AHI1: variants seen among roughly 807,000 people sequenced by gnomAD.
AHI1 encodes Abelson helper integration site 1, also known as jouberin.
A neutral mutation model predicts 149.3 loss-of-function variants in AHI1; 123 were observed. The ratio of observed to expected loss-of-function variants is 0.82; its 90% CI spans 0.71 to 0.96. AHI1 has a LOEUF of 0.96. Among genes scored for constraint, AHI1 ranks in the 40% least tolerant of loss-of-function variants. The pLI, the probability that AHI1 is intolerant of heterozygous loss-of-function variation, is 0.00. For missense variants in AHI1, 1,439 were observed against 1,422.7 expected, an observed-to-expected ratio of 1.01 and a Z score of -0.18; for synonymous variants, 475 against 459.8, an observed-to-expected ratio of 1.03 and a Z score of -0.42.
At chr6:135,446,459 CTG>C (rs1436261556) in intron 13 of AHI1, among the ~76,000 whole-genome samples, 1 of 152,152 alleles carries the variant, frequency 6.6e-6, no homozygotes, top group Admixed American at 6.5e-5. Context: ...CTCTCAAAAA[CTG>C]TATGTTAAAG....
chr6:135,455,881 A>G lies in AHI1; in HGVS notation c.1197T>C (p.Tyr399=). The change falls in exon 10 of 29, where the codon TAT becomes TAC. Residue 399 remains tyrosine, a synonymous_variant. Coordinates refer to ENST00000265602, the MANE Select transcript of AHI1 (RefSeq NM_001134831.2). ...ATGGCTGGGTCATAATAGGAAGAAT[A>G]TAATCCACATTCTCTTTTTCATAGT... The part of the protein sequence containing the change: ...SSYYEKENVD[Y]ILPIMTQPYD... The G allele has an allele frequency of 6.4e-7, 1 of 1,561,378 alleles. No homozygotes were observed. The highest frequency in any genetic ancestry group is 8.7e-7 in the Non-Finnish European group (1 of 1,146,458).
intron 10 of AHI1, 56 bp downstream of exon 10, chr6:135,455,678 T>C: frequency 7.9e-7 from 1 of 1,272,612 alleles, no homozygotes; most frequent in Non-Finnish European, 1.1e-6. Context: ...TAGCTTACAT[T>C]TGTGCTATTA....
chr6:135,293,550 G>C (rs1782675368), intron 27 of AHI1, among the ~76,000 whole-genome samples: 1 of 151,342 alleles, frequency 6.6e-6, no homozygotes, highest in Non-Finnish European at 1.5e-5. Context: ...ACTAACAAGT[G>C]AGTTTAGTAG....
chr6:135,490,957 C>T (rs984222032), intron 4 of AHI1, among the ~76,000 whole-genome samples: 1 of 152,096 alleles, frequency 6.6e-6, no homozygotes, highest in African/African-American at 2.4e-5. Context: ...ACCTTTTTGG[C>T]CACTCACTCT....
At chr6:135,296,092 T>C (rs1783053277) in intron 27 of AHI1, among the ~76,000 whole-genome samples, 2 of 152,226 alleles carry the variant, frequency 1.3e-5, no homozygotes, top group South Asian at 4.1e-4. Context: ...TGACCTCAGA[T>C]GATCCGTTTG....
intron 26 of AHI1, among the ~76,000 whole-genome samples, chr6:135,317,584 T>A (rs1379468300): frequency 6.6e-6 from 1 of 151,910 alleles, no homozygotes; most frequent in East Asian, 1.9e-4. Context: ...TGCATTATAG[T>A]TTCTACCAGA....
chr6:135,293,363 A>G (rs1782597225), intron 27 of AHI1, among the ~76,000 whole-genome samples: 1 of 139,662 alleles, frequency 7.2e-6, no homozygotes, highest in African/African-American at 2.6e-5. Flanking sequence ...TCAACATTGT[A>G]TTAGAGGTTC....
chr6:135,453,774 A>G (rs576883489), intron 10 of AHI1, among the ~76,000 whole-genome samples: 32 of 152,310 alleles, frequency 2.1e-4, no homozygotes, highest in Middle Eastern at 3.4e-3. Context: ...CAGACTTTAA[A>G]GGATTGTTTG....
chr6:135,494,893 AG>A (rs1010698574), intron 3 of AHI1, among the ~76,000 whole-genome samples: 121 of 152,324 alleles, frequency 7.9e-4, no homozygotes, highest in African/African-American at 2.7e-3. Flanking sequence ...TGGCATCAAA[AG>A]GGGCTGGAGG....
At chr6:135,423,568 A>G (rs1783520270) in intron 20 of AHI1, among the ~76,000 whole-genome samples, 1 of 152,188 alleles carries the variant, frequency 6.6e-6, no homozygotes, top group Admixed American at 6.5e-5. Flanking sequence ...TCATGTCAGT[A>G]GTAGAAACTG....
At chr6:135,476,489 A>G (rs948528179) in intron 5 of AHI1, among the ~76,000 whole-genome samples, 2 of 150,418 alleles carry the variant, frequency 1.3e-5, no homozygotes, top group African/African-American at 2.5e-5. Flanking sequence ...TTCCCATAAA[A>G]CTCAACTCAA....
chr6:135,417,898 T>C (rs990355525), intron 20 of AHI1, among the ~76,000 whole-genome samples: 1 of 152,062 alleles, frequency 6.6e-6, no homozygotes, highest in Non-Finnish European at 1.5e-5. Flanking sequence ...ATAGATTTCA[T>C]TGTAAAATAT....
At chr6:135,337,974 T>C (rs530221167) in intron 24 of AHI1, among the ~76,000 whole-genome samples, 64 of 151,934 alleles carry the variant, frequency 4.2e-4, no homozygotes, top group Non-Finnish European at 7.7e-4. Context: ...AAGGATATAA[T>C]AAGAGAAAGG....
intron 20 of AHI1, among the ~76,000 whole-genome samples, chr6:135,416,419 C>T (rs939177886): frequency 5.3e-5 from 8 of 151,338 alleles, no homozygotes; most frequent in African/African-American, 1.7e-4. Flanking sequence ...ACATTATTTC[C>T]TGAGGAATGT....
intron 5 of AHI1, among the ~76,000 whole-genome samples, chr6:135,477,660 A>G (rs1562266281): frequency 6.9e-6 from 1 of 145,826 alleles, no homozygotes; most frequent in African/African-American, 2.5e-5. Context: ...CCTCCTTCGC[A>G]CTCTCTCTCT....
chr6:135,334,972 C>G (rs1014100492), intron 24 of AHI1, among the ~76,000 whole-genome samples: 1 of 152,140 alleles, frequency 6.6e-6, no homozygotes, highest in Non-Finnish European at 1.5e-5. Context: ...ATGTACCTAA[C>G]GTTTAGTTAA....
chr6:135,496,572 T>C (rs1183439370), intron 2 of AHI1, among the ~76,000 whole-genome samples: 5 of 152,164 alleles, frequency 3.3e-5, no homozygotes, highest in African/African-American at 2.4e-5. Flanking sequence ...ACAAACCCTT[T>C]CACAGGAGCG....
intron 14 of AHI1, among the ~76,000 whole-genome samples, chr6:135,439,791 G>A (rs1401238209): frequency 6.6e-6 from 1 of 152,144 alleles, no homozygotes; most frequent in Non-Finnish European, 1.5e-5. Context: ...GATGGCAATC[G>A]GGTTCAGTAC....
At chr6:135,293,813 G>A in intron 27 of AHI1, among the ~76,000 whole-genome samples, 1 of 152,154 alleles carries the variant, frequency 6.6e-6, no homozygotes, top group East Asian at 1.9e-4. Flanking sequence ...CTCCAAATTA[G>A]TATCTGGATT....
Sources: gnomAD v4.1 joint callset for allele counts (sites outside exome capture counted in the v4.1 genomes callset) on GRCh38, gnomAD v4.1.1 for gene constraint, MANE v1.5 for transcripts, NCBI Gene and HGNC (gene_info 2026-07-23, HGNC 2026-07-21) for gene names.